ATP13A4: variants seen among roughly 807,000 people sequenced by gnomAD.
ATP13A4 encodes the protein probable cation-transporting ATPase 13A4.
A neutral mutation model predicts 142.5 loss-of-function variants in ATP13A4; 114 were observed. That is an observed-to-expected ratio of 0.80 (90% CI 0.69 to 0.93). The LOEUF is 0.93. ATP13A4 is among the 40% of genes least tolerant of loss of function. ATP13A4 has a pLI of 0.00. For missense variants in ATP13A4, 1,392 were observed against 1,454.0 expected, an observed-to-expected ratio of 0.96 and a Z score of 0.69; for synonymous variants, 488 against 514.8, an observed-to-expected ratio of 0.95 and a Z score of 0.70.
intron 2 of ATP13A4, among the ~76,000 whole-genome samples, chr3:193,513,683 G>A (rs1721255089): frequency 6.6e-6 from 1 of 152,198 alleles, no homozygotes; most frequent in African/African-American, 2.4e-5. Context: ...GGAAATACAG[G>A]GAAACTCACC....
At position 193,454,212 on chromosome 3, in the gene ATP13A4, A is replaced by C. The variant is rs763404388; in HGVS notation, c.1916T>G (p.Val639Gly). The change falls in exon 17 of 30, where the codon GTA becomes GGA. Residue 639 changes from valine (V) to glycine (G), a missense_variant and splice_region_variant. Physicochemically the swap from Val to Gly is moderately radical, Grantham distance 109. Coordinates refer to ENST00000342695, the MANE Select transcript of ATP13A4 (RefSeq NM_032279.4). ...RVASFCQPETVPTSFVSELQI... is the reference protein window; with the variant it reads ...RVASFCQPETGPTSFVSELQI... The stretch of plus-strand genomic sequence containing the variant: ...AAGTTCGCTAACAAAACTAGTGGGT[A>C]CTGTTTAGAAAGAAACACAGGGTTA... 43 of 1,604,628 alleles carry C rather than the reference A, an allele frequency of 2.7e-5. No homozygotes were observed. The highest frequency in any genetic ancestry group is 3.6e-5 in the Non-Finnish European group (42 of 1,171,546).
rs751699286 is a variant in ATP13A4 at position 193,419,269 on chromosome 3, G to A, written c.2843-4519C>T. On this transcript the variant is annotated intron_variant, in intron 25 of 29. Coordinates refer to ENST00000342695, the MANE Select transcript of ATP13A4 (RefSeq NM_032279.4). ...AGAAAAAGAGTACTATGGTAAAGCT[G>A]CTCCATATACCCTTCTGAGTCCCTG... Among the ~76,000 whole-genome samples, 32 of 150,046 alleles carry A rather than the reference G, an allele frequency of 2.1e-4. 1 individual carries two copies. The highest frequency in any genetic ancestry group is 6.8e-5 in the Admixed American group (1 of 14,600).
chr3:193,483,376 C>T (rs1719404681), intron 8 of ATP13A4, among the ~76,000 whole-genome samples: 1 of 152,054 alleles, frequency 6.6e-6, no homozygotes, highest in African/African-American at 2.4e-5. Flanking sequence ...TATACATATG[C>T]CAAACTTATC....
chr3:193,464,917 G>A (rs1037237419), intron 12 of ATP13A4, 23 bp downstream of exon 12: 28 of 1,607,158 alleles, frequency 1.7e-5, no homozygotes, highest in Middle Eastern at 1.7e-4. Flanking sequence ...ATGATGATAA[G>A]AATAAGGATG....
chr3:193,433,938 G>T (rs1716114508), intron 24 of ATP13A4, 21 bp from the exon 25 acceptor site: 2 of 1,595,530 alleles, frequency 1.3e-6, no homozygotes, highest in East Asian at 4.5e-5. Context: ...AAAGAAAGCA[G>T]ATCAAAAAAG....
At chr3:193,462,706 A>T in intron 13 of ATP13A4, 56 bp downstream of exon 13, 1 of 1,534,112 alleles carries the variant, frequency 6.5e-7, no homozygotes, top group South Asian at 1.1e-5. Flanking sequence ...GAAAACACGG[A>T]ATTTTGGAAA....
chr3:193,469,341 T>C (rs1452123628), intron 9 of ATP13A4, among the ~76,000 whole-genome samples: 1 of 152,242 alleles, frequency 6.6e-6, no homozygotes, highest in East Asian at 1.9e-4. Flanking sequence ...ATTTAAAGAA[T>C]CAGGCTGGGC....
At position 193,445,565 on chromosome 3, in the gene ATP13A4, T is replaced by A. The variant is rs145677178; in HGVS notation, c.2152+2641A>T. Among the ~76,000 whole-genome samples, 910 of 152,236 alleles carry A rather than the reference T, an allele frequency of 6.0e-3. 10 individuals carry two copies. The highest frequency in any genetic ancestry group is 0.021 in the African/African-American group (879 of 41,540). ...TGAGGTCAGAAGTTCAAGACCATCCTGGCCAACATGGTGAAACCCTATCTC... is the reference window on the plus strand; with the variant it reads ...TGAGGTCAGAAGTTCAAGACCATCCAGGCCAACATGGTGAAACCCTATCTC... On this transcript the variant is annotated intron_variant, in intron 18 of 29. Coordinates refer to ENST00000342695, the MANE Select transcript of ATP13A4 (RefSeq NM_032279.4).
At chr3:193,475,596 C>T (rs941024876) in intron 8 of ATP13A4, among the ~76,000 whole-genome samples, 1 of 151,796 alleles carries the variant, frequency 6.6e-6, no homozygotes, top group African/African-American at 2.4e-5. Flanking sequence ...GAATAGGAAC[C>T]AGACTCCCTG....
intron 27 of ATP13A4, among the ~76,000 whole-genome samples, chr3:193,411,569 A>G (rs1714766921): frequency 1.3e-5 from 2 of 152,212 alleles, no homozygotes; most frequent in Admixed American, 6.5e-5. Context: ...AAGGAACTCA[A>G]TTTGGGCTTT....
chr3:193,504,992 A>G (rs1720781093), intron 2 of ATP13A4, among the ~76,000 whole-genome samples: 1 of 152,184 alleles, frequency 6.6e-6, no homozygotes, highest in Non-Finnish European at 1.5e-5. Context: ...TGTTGGTATT[A>G]TAATTATCTC....
At position 193,560,883 on chromosome 3, in the gene ATP13A4, G is replaced by C. The variant is rs114479845; in HGVS notation, n.291+20824C>G. Reference sequence around the variant, plus strand: ...AGAGAAAGGCCATAAGACAGAAGCAGAAATGTTCCCAACAAGCAGTTAGAG... The same window carrying C: ...AGAGAAAGGCCATAAGACAGAAGCACAAATGTTCCCAACAAGCAGTTAGAG... On this transcript the variant is annotated intron_variant and non_coding_transcript_variant, in intron 2 of 3. Coordinates refer to the ATP13A4 transcript ENST00000489140. 2.8e-3 allele frequency among the ~76,000 whole-genome samples: 431 copies of C among 152,346 alleles called. 5 individuals are homozygous for C. The highest frequency in any genetic ancestry group is 9.8e-3 in the African/African-American group (406 of 41,580).
At chr3:193,429,322 G>A (rs769506449) in intron 25 of ATP13A4, among the ~76,000 whole-genome samples, 1 of 152,044 alleles carries the variant, frequency 6.6e-6, no homozygotes, top group Non-Finnish European at 1.5e-5. Flanking sequence ...GTTGAAAACA[G>A]GGACTCAAAA....
chr3:193,574,206 A>C (rs1458837266), intron 2 of ATP13A4, among the ~76,000 whole-genome samples: 1 of 152,262 alleles, frequency 6.6e-6, no homozygotes, highest in African/African-American at 2.4e-5. Context: ...ATAAAAAAGA[A>C]ACAGATAAGA....
At chr3:193,484,281 G>A (rs1461331981) in intron 7 of ATP13A4, among the ~76,000 whole-genome samples, 2 of 151,520 alleles carry the variant, frequency 1.3e-5, no homozygotes, top group Non-Finnish European at 2.9e-5. Flanking sequence ...CTGAACTCCA[G>A]CCTGGGCGAC....
intron 10 of ATP13A4, 21 bp from the exon 11 acceptor site, chr3:193,466,203 C>T (rs757092074): frequency 6.2e-7 from 1 of 1,613,264 alleles, no homozygotes; most frequent in Non-Finnish European, 8.5e-7. Context: ...AAACACACAC[C>T]CCACACTCTC....
intron 1 of ATP13A4, among the ~76,000 whole-genome samples, chr3:193,525,080 T>C (rs1370733367): frequency 1.3e-5 from 2 of 152,272 alleles, no homozygotes; most frequent in African/African-American, 4.8e-5. Flanking sequence ...CAGGGATTGC[T>C]GAATCCCTAG....
chr3:193,582,070 C>T (rs1724557441), intron 1 of ATP13A4, among the ~76,000 whole-genome samples: 1 of 148,554 alleles, frequency 6.7e-6, no homozygotes, highest in Admixed American at 6.8e-5. Context: ...TACTAAAATA[C>T]CTGAAAAGAC....
chr3:193,520,277 T>C (rs1046900396), intron 1 of ATP13A4, among the ~76,000 whole-genome samples: 2 of 152,036 alleles, frequency 1.3e-5, no homozygotes, highest in Admixed American at 1.3e-4. Context: ...AATTTAACTG[T>C]ATTATCTCCC....
Sources: allele counts gnomAD v4.1 joint callset (sites outside exome capture counted in the v4.1 genomes callset), GRCh38; gene constraint gnomAD v4.1.1; transcripts MANE v1.5; gene names NCBI Gene and HGNC (gene_info 2026-07-23, HGNC 2026-07-21).